Variants in DNAH8 observed in about 807,000 individuals in gnomAD.
DNAH8 encodes axonemal beta dynein heavy chain 8.
DNAH8 carries 382 observed loss-of-function variants against 562.1 expected under a neutral mutation model. That is an observed-to-expected ratio of 0.68 (90% CI 0.63 to 0.74). The LOEUF is 0.74. Among genes scored for constraint, DNAH8 ranks in the 30% least tolerant of loss-of-function variants. DNAH8 has a pLI of 0.00. For missense variants in DNAH8, 5,203 were observed against 5,620.4 expected (o/e 0.93, Z 2.37); for synonymous variants, 1,881 against 1,919.4 (o/e 0.98, Z 0.52).
chr6:38,781,285 T>G lies in DNAH8; in HGVS notation c.2171T>G (p.Leu724Arg). ...CATTCTCAGAAAGATGACCCCCCTC[T>G]TGCTCGCAACATGCCCCCTATAGCA... ...LYHSQKDDPP[L>R]ARNMPPIAGK... The change falls in exon 16 of 93, where the codon CTT (leucine) becomes CGT (arginine). Residue 724 changes from leucine to arginine, a missense_variant. Physicochemically the swap from Leu to Arg is moderately radical, Grantham distance 102. This residue lies in a region of DNAH8 where 2,176 missense variants were observed against 2,365.1 expected (regional missense o/e 0.92). Transcript: ENST00000327475. The G allele has an allele frequency of 6.2e-7, 1 of 1,613,896 alleles. No individual in the cohort carries two copies. The highest frequency in any genetic ancestry group is 8.5e-7 in the Non-Finnish European group (1 of 1,179,880).
chr6:38,771,507 C>G (rs554370069), intron 12 of DNAH8, among the ~76,000 whole-genome samples: 1 of 152,140 alleles, frequency 6.6e-6, no homozygotes, highest in Non-Finnish European at 1.5e-5. Flanking sequence ...CATTTTCACT[C>G]CCACTAAAAG....
At chr6:38,762,834 C>T in intron 11 of DNAH8, 1 of 192,418 alleles carries the variant, frequency 5.2e-6, no homozygotes, top group Non-Finnish European at 1.0e-5. Flanking sequence ...TCCCACAGGC[C>T]TGGTGCTGAC....
chr6:38,955,305 C>G lies in DNAH8; in HGVS notation c.12451+3785C>G, dbSNP rs565626519. Among the ~76,000 whole-genome samples, 4 of 151,402 alleles carry G rather than the reference C, an allele frequency of 2.6e-5. No individual in the cohort carries two copies. The South Asian group carries it at 6.5e-4, about 24-fold the overall frequency. ...CCTCTTTATTTGCATTATTCTGAAA[C>G]AGTAAACCGACCCAGATAGTAACTG... On this transcript the variant is annotated intron_variant, in intron 82 of 92. Transcript: ENST00000327475.
chr6:38,891,713 G>A (rs575611734), intron 58 of DNAH8, among the ~76,000 whole-genome samples: 7 of 152,174 alleles, frequency 4.6e-5, no homozygotes, highest in Non-Finnish European at 8.8e-5. Context: ...ATAGTTTTCC[G>A]TGGTAAGATA....
At chr6:38,981,469 C>T (rs1369133422) in intron 85 of DNAH8, among the ~76,000 whole-genome samples, 1 of 152,178 alleles carries the variant, frequency 6.6e-6, no homozygotes, top group Non-Finnish European at 1.5e-5. Context: ...ACAGGAGTCT[C>T]TTAGGCCCTC....
intron 41 of DNAH8, among the ~76,000 whole-genome samples, chr6:38,854,891 A>C (rs555961524): frequency 2.1e-4 from 32 of 149,270 alleles, no homozygotes; most frequent in Middle Eastern, 3.6e-3. Flanking sequence ...ATATATATAC[A>C]TATATACATA....
chr6:38,895,404 C>T (rs1779609943), intron 59 of DNAH8, among the ~76,000 whole-genome samples: 1 of 152,164 alleles, frequency 6.6e-6, no homozygotes, highest in Non-Finnish European at 1.5e-5. Context: ...CTTTATAAAT[C>T]ACCAGATCAT....
chr6:39,003,777 A>C (rs1001670338), intron 88 of DNAH8, among the ~76,000 whole-genome samples: 1 of 152,220 alleles, frequency 6.6e-6, no homozygotes, highest in Non-Finnish European at 1.5e-5. Context: ...AAAGTCATAT[A>C]GATTCATCTT....
At chr6:38,772,118 T>G (rs1347175590) in intron 12 of DNAH8, among the ~76,000 whole-genome samples, 5 of 145,830 alleles carry the variant, frequency 3.4e-5, no homozygotes, top group African/African-American at 1.3e-4. Flanking sequence ...AAGCTCCACC[T>G]CCCGGGTTCA....
chr6:38,897,551 G>C (rs1054204795), intron 60 of DNAH8, among the ~76,000 whole-genome samples: 2 of 152,088 alleles, frequency 1.3e-5, no homozygotes, highest in African/African-American at 4.8e-5. Context: ...TTAATATATA[G>C]GTTTAATGAA....
At chr6:38,825,287 G>C (rs749197586) in intron 28 of DNAH8, among the ~76,000 whole-genome samples, 5 of 152,180 alleles carry the variant, frequency 3.3e-5, no homozygotes, top group African/African-American at 4.8e-5. Context: ...TGGTTGGAAG[G>C]CAAGAGCGGT....
rs192689116 is a variant in DNAH8 at position 38,834,518 on chromosome 6, C to T, written c.4303-61C>T. 296 of 1,152,352 alleles carry T rather than the reference C, an allele frequency of 2.6e-4. 3 individuals are homozygous for T. The East Asian group carries it at 5.8e-3, about 23-fold the overall frequency. 71.4% of individuals were successfully genotyped at this position (1,152,352 alleles called of 1,614,324 possible). A position where few individuals can be genotyped will look rare whatever the true frequency, so the allele number is the denominator to read the frequency against. On this transcript the variant is annotated intron_variant, in intron 31 of 92. Transcript: ENST00000327475. ...CTTAAATGGAAATAATAGATAAACC[C>T]AATAAACTGACAAATACATATGATT...
chr6:38,812,400 A>G (rs1771876835), intron 24 of DNAH8, among the ~76,000 whole-genome samples: 3 of 152,224 alleles, frequency 2.0e-5, no homozygotes, highest in Admixed American at 2.0e-4. Context: ...GCAATTTAGC[A>G]ATTTTTGAGG....
At chr6:38,772,057 T>C (rs113224216) in intron 12 of DNAH8, among the ~76,000 whole-genome samples, 17,382 of 148,578 alleles carry the variant, frequency 0.12, 1,283 homozygotes, top group Admixed American at 0.21. Flanking sequence ...GAGACGGAGT[T>C]TTGCTCTTTC....
Position 38,775,913 on chromosome 6 carries a change from G to T in DNAH8, c.1924G>T (p.Asp642Tyr). ...LDPRRTEFDTDFLDFMTKING... is the reference protein window; with the variant it reads ...LDPRRTEFDTYFLDFMTKING... ...TCCAAGAAGGACAGAATTTGACACA[G>T]ATTTCTTAGATTTCATGACAAAAAT... Residue 642 changes from aspartate to tyrosine, a missense_variant, in exon 13 of 93, where the codon GAT becomes TAT. Transcript: ENST00000327475. The T allele has an allele frequency of 1.2e-6, 2 of 1,612,832 alleles. No individual in the cohort carries two copies. Among genetic ancestry groups the T allele is most frequent in the South Asian group, 2.2e-5 (2 of 91,020 alleles).
chr6:38,827,682 AATT>A (rs1221310224), intron 29 of DNAH8, among the ~76,000 whole-genome samples: 2 of 149,076 alleles, frequency 1.3e-5, no homozygotes, highest in Admixed American at 1.3e-4. Context: ...AGATATAATA[AATT>A]ATTATATCAA....
intron 1 of DNAH8, among the ~76,000 whole-genome samples, chr6:38,722,434 T>C (rs1044123899): frequency 6.6e-6 from 1 of 152,092 alleles, no homozygotes; most frequent in African/African-American, 2.4e-5. Context: ...CTTTTTTTTT[T>C]AGCCCTAAGG....
intron 91 of DNAH8, among the ~76,000 whole-genome samples, chr6:39,018,775 G>C (rs537548951): frequency 6.6e-6 from 1 of 152,308 alleles, no homozygotes; most frequent in Non-Finnish European, 1.5e-5. Context: ...GGAAGGCAAG[G>C]AGAAGGAGAG....
intron 65 of DNAH8, among the ~76,000 whole-genome samples, chr6:38,910,845 T>G (rs1420802607): frequency 1.3e-5 from 2 of 152,244 alleles, no homozygotes; most frequent in Admixed American, 6.5e-5. Flanking sequence ...GGTTAAATAA[T>G]TTTATAGTAC....
Sources: allele counts gnomAD v4.1 joint callset (sites outside exome capture counted in the v4.1 genomes callset), GRCh38; gene constraint gnomAD v4.1.1; regional missense constraint gnomAD v4.1.1; transcripts MANE v1.5; gene names NCBI Gene and HGNC (gene_info 2026-07-23, HGNC 2026-07-21).